DOCK10: variants seen among roughly 807,000 people sequenced by gnomAD.
DOCK10 encodes the protein dedicator of cytokinesis protein 10.
DOCK10 carries 145 observed loss-of-function variants against 280.1 expected under a neutral mutation model. The observed-to-expected ratio is 0.52, with a 90% CI of 0.45 to 0.59. The LOEUF (loss-of-function observed/expected upper bound fraction) is 0.59. Ranked by LOEUF, DOCK10 falls within the 20% of genes least tolerant of loss-of-function variation. The probability of loss-of-function intolerance (pLI) is 0.00; values close to 1 mark genes in which losing one functional copy is unlikely to be tolerated. For missense variants in DOCK10, 2,368 were observed against 2,651.7 expected (o/e 0.89, Z 2.35); for synonymous variants, 915 against 942.2 (o/e 0.97, Z 0.53).
intron 47 of DOCK10, among the ~76,000 whole-genome samples, chr2:224,791,728 T>G (rs1473024940): frequency 6.6e-6 from 1 of 151,652 alleles, no homozygotes; most frequent in African/African-American, 2.4e-5. Context: ...CCTGCCTTGG[T>G]CTCCCAAAGT....
intron 3 of DOCK10, among the ~76,000 whole-genome samples, chr2:224,912,795 G>A (rs1035711275): frequency 1.3e-5 from 2 of 152,144 alleles, no homozygotes; most frequent in Non-Finnish European, 2.9e-5. Context: ...GGAGGCTGAG[G>A]TGGGTGGATC....
intron 1 of DOCK10, among the ~76,000 whole-genome samples, chr2:225,021,090 C>T (rs904223452): frequency 5.3e-5 from 8 of 152,206 alleles, no homozygotes; most frequent in Admixed American, 3.9e-4. Flanking sequence ...ACCATCGCTG[C>T]CCTGTTTAAC....
chr2:224,773,379 G>A, intron 52 of DOCK10, 32 bp from the exon 53 acceptor site: 1 of 1,581,280 alleles, frequency 6.3e-7, no homozygotes. Flanking sequence ...GGATTTCAAG[G>A]TTGAGGATTA....
At chr2:224,777,201 G>T (rs187278183) in intron 51 of DOCK10, among the ~76,000 whole-genome samples, 14 of 151,960 alleles carry the variant, frequency 9.2e-5, no homozygotes, top group African/African-American at 3.4e-4. Context: ...AATGTTCAAA[G>T]GTTAATGTAA....
At chr2:224,901,209 C>G (rs1396449870) in intron 3 of DOCK10, among the ~76,000 whole-genome samples, 6 of 152,310 alleles carry the variant, frequency 3.9e-5, no homozygotes, top group African/African-American at 1.4e-4. Flanking sequence ...TCCTCTTTGT[C>G]CAAAATCTAA....
intron 1 of DOCK10, among the ~76,000 whole-genome samples, chr2:224,987,520 C>A (rs1175857616): frequency 1.3e-5 from 2 of 152,140 alleles, no homozygotes; most frequent in Non-Finnish European, 2.9e-5. Flanking sequence ...GGTGTCAGCA[C>A]CTCAGTGGAA....
At chr2:224,787,422 G>T (rs1459124006) in intron 48 of DOCK10, 25 bp from the exon 49 acceptor site, 1 of 1,612,872 alleles carries the variant, frequency 6.2e-7, no homozygotes, top group Non-Finnish European at 8.5e-7. Context: ...ATCAAAATAA[G>T]ATTTTACATG....
intron 1 of DOCK10, among the ~76,000 whole-genome samples, chr2:224,936,390 G>A (rs1702695630): frequency 6.6e-6 from 1 of 152,074 alleles, no homozygotes; most frequent in South Asian, 2.1e-4. Context: ...AAGAGGTTAA[G>A]GTCACCTTGA....
chr2:224,765,749 A>G lies in DOCK10; in HGVS notation c.6533T>C (p.Val2178Ala). Residue 2178 changes from valine (V) to alanine (A), a missense_variant, in exon 56 of 56, where the codon GTC becomes GCC. By Grantham distance (64) the Val-to-Ala change is moderately conservative. Transcript: ENST00000258390. ...GACTTCAGCACTAGATGAGATGGAG[A>G]CCGTGGGTAGGGCCGGAGTTGCTTT... ...ISKATPALPT[V>A]SISSSAEV The G allele has an allele frequency of 6.2e-7, 1 of 1,613,816 alleles. No homozygotes were observed. The highest frequency in any genetic ancestry group is 1.7e-5 in the Admixed American group (1 of 59,996).
rs1694661088 is a variant in DOCK10, at chr2:224,823,714, C to A, written c.3037-67G>T. The A allele has an allele frequency of 3.5e-6, 5 of 1,409,218 alleles. No homozygotes were observed. In the East Asian group the frequency reaches 1.3e-4, roughly 37 times the overall value. The allele number at this position is 1,409,218 out of a possible 1,614,324, so 87.3% of individuals were successfully genotyped here. A position where few individuals can be genotyped will look rare whatever the true frequency, so the allele number is the denominator to read the frequency against. On this transcript the variant is annotated intron_variant, in intron 27 of 55. Coordinates refer to ENST00000258390, the MANE Select transcript of DOCK10 (RefSeq NM_014689.3). ...AAATATTAAGCCGAGGAAGTATCAA[C>A]TGAAATATTTACTTTATTTTATAGG...
chr2:225,024,250 C>CA (rs1689858311), intron 1 of DOCK10, among the ~76,000 whole-genome samples: 1 of 152,180 alleles, frequency 6.6e-6, no homozygotes, highest in African/African-American at 2.4e-5. Context: ...GGTTAATTGT[C>CA]AAAATCTTAG....
At chr2:224,832,167 C>A (rs1186644973) in intron 26 of DOCK10, among the ~76,000 whole-genome samples, 2 of 152,224 alleles carry the variant, frequency 1.3e-5, no homozygotes, top group African/African-American at 4.8e-5. Context: ...TTGTGCTAAT[C>A]ATTCCTTTGC....
intron 1 of DOCK10, among the ~76,000 whole-genome samples, chr2:225,005,434 G>A (rs1706539412): frequency 6.6e-6 from 1 of 152,206 alleles, no homozygotes; most frequent in South Asian, 2.1e-4. Context: ...TTAACTGAAT[G>A]TCAGTTATTC....
At chr2:224,884,915 C>T (rs927332476) in intron 7 of DOCK10, among the ~76,000 whole-genome samples, 1 of 152,160 alleles carries the variant, frequency 6.6e-6, no homozygotes, top group African/African-American at 2.4e-5. Context: ...AACATGGGTG[C>T]TAATTATCTG....
intron 1 of DOCK10, among the ~76,000 whole-genome samples, chr2:224,975,156 T>C (rs1705358853): frequency 6.6e-6 from 1 of 152,122 alleles, no homozygotes; most frequent in Non-Finnish European, 1.5e-5. Context: ...CAGGGCGTAA[T>C]TGGAGTTTAG....
rs763935062 is a variant in DOCK10, at chr2:224,931,564, G to A, written c.228C>T (p.Pro76=). Residue 76 remains proline (P), a synonymous_variant, in exon 2 of 56, where the codon CCC becomes CCT. Transcript: ENST00000258390. ...NDPLQDLLFF[P]SDDFSAATVS... is the part of the protein sequence containing the mutation. ...GAAGACTTACTGAAAAGTCATCACT[G>A]GGGAAGAACAAGAGATCTTGAAGAG... The A allele has an allele frequency of 6.2e-7, 1 of 1,609,780 alleles. No homozygotes were observed. The highest frequency in any genetic ancestry group is 8.5e-7 in the Non-Finnish European group (1 of 1,177,936).
At chr2:225,039,159 T>C (rs1298396000) in intron 1 of DOCK10, among the ~76,000 whole-genome samples, 1 of 152,186 alleles carries the variant, frequency 6.6e-6, no homozygotes, top group African/African-American at 2.4e-5. Flanking sequence ...AATTTCTAAT[T>C]AGTGGCATTA....
intron 26 of DOCK10, among the ~76,000 whole-genome samples, chr2:224,833,932 G>A (rs1695416991): frequency 1.3e-5 from 2 of 152,130 alleles, no homozygotes; most frequent in Non-Finnish European, 1.5e-5. Context: ...GATTACAGAG[G>A]TGAGCCACTG....
At position 224,834,276 on chromosome 2, in the gene DOCK10, CAA is replaced by C. The variant is rs1254197737; in HGVS notation, c.2851-15_2851-14del. On this transcript the variant is annotated splice_polypyrimidine_tract_variant and intron_variant, in intron 25 of 55. Transcript: ENST00000258390. ...TCTTGAACACGAACTGAAGAAAATC[CAA>C]AAAGTGAATAAAGTTAAATACTTTG... 1.2e-5 allele frequency: 17 copies of C among 1,437,500 alleles called. No homozygotes were observed. Among genetic ancestry groups the C allele is most frequent in the Non-Finnish European group, 1.7e-5 (17 of 1,024,378 alleles). The allele number at this position is 1,437,500 out of a possible 1,614,324, so 89.0% of individuals were successfully genotyped here.
Sources: gnomAD v4.1 joint callset for allele counts (sites outside exome capture counted in the v4.1 genomes callset) on GRCh38, gnomAD v4.1.1 for gene constraint, MANE v1.5 for transcripts, NCBI Gene and HGNC (gene_info 2026-07-23, HGNC 2026-07-21) for gene names.